The following CAPN12 variants were observed in gnomAD, a reference collection of about 807,000 sequenced individuals.
The protein encoded by CAPN12 is calpain 12, also known as calpain-12.
In CAPN12, 107 loss-of-function variants were observed where a neutral mutation model predicts 95.0. That is an observed-to-expected ratio of 1.13 (90% CI 0.96 to 1.32). The LOEUF (loss-of-function observed/expected upper bound fraction) is 1.32, where lower values mean the gene tolerates loss of function less well. CAPN12 is among the 40% of genes most tolerant of loss of function. The pLI, the probability that CAPN12 is intolerant of heterozygous loss-of-function variation, is 0.00. For synonymous variants in CAPN12, 505 were observed against 415.5 expected, an observed-to-expected ratio of 1.22 and a Z score of -2.62; for missense variants, 1,136 against 997.8, an observed-to-expected ratio of 1.14 and a Z score of -1.87.
In CAPN12 at chr19:38,738,597, ACG is replaced by A. The variant is rs754171733; in HGVS notation, c.779_780del (p.Ala260ValfsTer115). 1 of 1,614,008 alleles carries A rather than the reference ACG, an allele frequency of 6.2e-7. No homozygotes were observed. Among genetic ancestry groups the A allele is most frequent in the Non-Finnish European group, 8.5e-7 (1 of 1,180,022 alleles). ...ACCTTGTGTGTGCCCGTGATGGAAT[ACG>A]CGTGTCCCTTTACCAGGCCCTCTTC... ...RTEEGLVKGH[A>X]YSITGTHKVF... On this transcript the variant is annotated frameshift_variant, in exon 6 of 21. Transcript: ENST00000328867. LOFTEE classifies it high-confidence loss of function.
chr19:38,737,138 C>T lies in CAPN12; in HGVS notation c.1362+18G>A. 6.5e-7 allele frequency: 1 copy of T among 1,541,488 alleles called. No individual in the cohort carries two copies. The highest frequency in any genetic ancestry group is 2.0e-5 in the Admixed American group (1 of 50,696). ...CCCTCCGGGTTCCCTCCAGCCTCAG[C>T]TTTGCCCAGGACCTCACCTGGAACA... On this transcript the variant is annotated intron_variant, in intron 10 of 20. Transcript: ENST00000328867.
At chr19:38,736,704 G>C (rs538350975) in intron 10 of CAPN12, 141 bp from the exon 11 acceptor site, 1 of 1,092,556 alleles carries the variant, frequency 9.2e-7, no homozygotes, top group African/African-American at 1.6e-5. Context: ...TTGCCCCGCA[G>C]TCCCCGACCC....
rs935640416 is a variant in CAPN12, at chr19:38,731,499, T to A, written c.1958-276A>T. On this transcript the variant is annotated intron_variant, in intron 18 of 20. Coordinates refer to ENST00000328867, the MANE Select transcript of CAPN12 (RefSeq NM_144691.4). ...CACGTGACTCGATGTGTGGGTACTG[T>A]TACTCCTTAAATCCTGTGGGGCTTT... 43 of 508,310 alleles carry A rather than the reference T, an allele frequency of 8.5e-5. 1 individual carries two copies. The highest frequency in any genetic ancestry group is 8.0e-4 in the African/African-American group (42 of 52,312). 31.5% of individuals were successfully genotyped at this position (508,310 alleles called of 1,614,324 possible).
At chr19:38,736,396 C>T in intron 11 of CAPN12, 78 bp from the exon 12 acceptor site, 1 of 1,494,502 alleles carries the variant, frequency 6.7e-7, no homozygotes, top group South Asian at 1.3e-5. Flanking sequence ...GCGCCCCGTC[C>T]ACCCTGCCTA....
intron 4 of CAPN12, 99 bp downstream of exon 4, chr19:38,741,678 T>G: frequency 1.4e-6 from 2 of 1,458,416 alleles, no homozygotes; most frequent in South Asian, 2.7e-5. Context: ...GGTGGGGTGT[T>G]TGGAGGATTG....
chr19:38,736,393 G>A lies in CAPN12; in HGVS notation c.1375-75C>T, dbSNP rs564301633. ...ATCCCCGCACCCTCCAGCGCGCCCCGTCCACCCTGCCTAACCCCTGTCCAC... is the reference window on the plus strand; with the variant it reads ...ATCCCCGCACCCTCCAGCGCGCCCCATCCACCCTGCCTAACCCCTGTCCAC... On this transcript the variant is annotated intron_variant, in intron 11 of 20. Transcript: ENST00000328867. 15 of 1,476,290 alleles carry A rather than the reference G, an allele frequency of 1.0e-5. No homozygotes were observed. In the East Asian group the frequency reaches 1.8e-4, roughly 18 times the overall value. 91.4% of individuals were successfully genotyped at this position (1,476,290 alleles called of 1,614,324 possible). A position where few individuals can be genotyped will look rare whatever the true frequency, so the allele number is the denominator to read the frequency against.
rs1442304606 is a variant in CAPN12, at chr19:38,738,318, T to C, written c.920A>G (p.Glu307Gly). The C allele has an allele frequency of 6.2e-7, 1 of 1,612,012 alleles. No individual in the cohort carries two copies. Among genetic ancestry groups the C allele is most frequent in the Non-Finnish European group, 8.5e-7 (1 of 1,180,012 alleles). Residue 307 changes from glutamate to glycine, a missense_variant, in exon 8 of 21, where the codon GAG becomes GGG. Coordinates refer to ENST00000328867, the MANE Select transcript of CAPN12 (RefSeq NM_144691.4). The part of the protein sequence containing the change: ...SCPRWDTLPT[E>G]CRDALLVKKE... Reference sequence around the variant, plus strand: ...TTTCACCAGCAGGGCATCGCGGCACTCGGTGGGGAGTGTGTCCCAGCGTGG... The same window carrying C: ...TTTCACCAGCAGGGCATCGCGGCACCCGGTGGGGAGTGTGTCCCAGCGTGG...
At chr19:38,734,923 G>T in intron 14 of CAPN12, 53 bp from the exon 15 acceptor site, 1 of 1,569,606 alleles carries the variant, frequency 6.4e-7, no homozygotes, top group Non-Finnish European at 8.7e-7. Flanking sequence ...GCTGCTCTGG[G>T]CCAAGCCCTG....
intron 18 of CAPN12, among the ~76,000 whole-genome samples, chr19:38,732,055 C>T (rs115286611): frequency 0.011 from 1,750 of 152,372 alleles, 33 homozygotes; most frequent in African/African-American, 0.04. Context: ...CCCGAGAAGG[C>T]GCTGGAGCCC....
At position 38,744,293 on chromosome 19, in the gene CAPN12, A is replaced by G. The variant is rs1970761139; in HGVS notation, c.-128T>C. On this transcript the variant is annotated 5_prime_UTR_variant, in exon 1 of 21. Transcript: ENST00000328867. ...GAGGAGCCTTCCCTCGTTAATATTAATTGATGGTTTGGGGTGCTGGGGAGC... is the reference window on the plus strand; with the variant it reads ...GAGGAGCCTTCCCTCGTTAATATTAGTTGATGGTTTGGGGTGCTGGGGAGC... 2 of 889,086 alleles carry G rather than the reference A, an allele frequency of 2.2e-6. No individual in the cohort carries two copies. The highest frequency in any genetic ancestry group is 3.6e-6 in the Non-Finnish European group (2 of 562,926). The allele number at this position is 889,086 out of a possible 1,614,324, so 55.1% of individuals were successfully genotyped here. A position where few individuals can be genotyped will look rare whatever the true frequency, so the allele number is the denominator to read the frequency against.
chr19:38,734,985 G>T, intron 14 of CAPN12, 115 bp from the exon 15 acceptor site: 1 of 957,372 alleles, frequency 1.0e-6, no homozygotes, highest in Non-Finnish European at 1.6e-6. Flanking sequence ...AGCTCCAGGA[G>T]TGGGGGAGAC....
intron 14 of CAPN12, chr19:38,735,072 G>A (rs1044601299): frequency 2.8e-5 from 17 of 611,286 alleles, no homozygotes; most frequent in South Asian, 6.1e-5. Flanking sequence ...CCAGCAGACC[G>A]GCCTGGGGCA....
At chr19:38,739,319 G>A (rs12976598) in intron 5 of CAPN12, 8,696 of 152,398 alleles carry the variant, frequency 0.057, 260 homozygotes, top group South Asian at 0.098. Flanking sequence ...GCATGGTGGC[G>A]GGCGCCTGTA....
chr19:38,735,249 T>C, intron 14 of CAPN12, 121 bp downstream of exon 14: 1 of 989,254 alleles, frequency 1.0e-6, no homozygotes. Context: ...TCAGGAGATT[T>C]AAGCCCGGAG....
intron 18 of CAPN12, 93 bp downstream of exon 18, chr19:38,733,610 C>T (rs893585873): frequency 5.6e-5 from 65 of 1,166,464 alleles, no homozygotes; most frequent in Admixed American, 3.4e-4. Flanking sequence ...GGCCACAGTG[C>T]AGACGGCCAC....
rs1458107604 is a variant in CAPN12 at position 38,740,126 on chromosome 19, T to A, written c.654A>T (p.Arg218Ser). ...TGGVGEVLYL[R>S]QNSMGLFSAL... is the part of the protein sequence containing the mutation. Reference sequence around the variant, plus strand: ...CAGAGAACAGCCCCATGCTGTTTTGTCTCAGATAGAGCACCTCGCCCACGC... The same window carrying A: ...CAGAGAACAGCCCCATGCTGTTTTGACTCAGATAGAGCACCTCGCCCACGC... Residue 218 changes from arginine to serine, a missense_variant, in exon 5 of 21, where the codon AGA (arginine) becomes AGT (serine). Transcript: ENST00000328867. 6.2e-7 allele frequency: 1 copy of A among 1,613,846 alleles called. No homozygotes were observed. Among genetic ancestry groups the A allele is most frequent in the Admixed American group, 1.7e-5 (1 of 59,990 alleles).
At position 38,741,842 on chromosome 19, in the gene CAPN12, C is replaced by T; in HGVS notation, c.495G>A (p.Leu165=). ...DDRLPVREGK[L]MFVRSEQRNE... The stretch of plus-strand genomic sequence containing the variant: ...TCCGCTGTTCCGAGCGCACGAACAT[C>T]AGCTTCCCCTCACGCACGGGCAGCC... The change falls in exon 4 of 21, where the codon CTG becomes CTA. Residue 165 remains leucine (L), a synonymous_variant. Coordinates refer to ENST00000328867, the MANE Select transcript of CAPN12 (RefSeq NM_144691.4). The T allele has an allele frequency of 6.2e-7, 1 of 1,614,140 alleles. No homozygotes were observed.
intron 18 of CAPN12, among the ~76,000 whole-genome samples, chr19:38,732,165 A>C (rs1969669171): frequency 6.6e-6 from 1 of 151,678 alleles, no homozygotes; most frequent in Non-Finnish European, 1.5e-5. Flanking sequence ...ACAGGCACTC[A>C]CTGGTGCCAG....
intron 19 of CAPN12, 41 bp downstream of exon 19, chr19:38,731,066 C>G: frequency 6.4e-7 from 1 of 1,569,232 alleles, no homozygotes; most frequent in South Asian, 1.2e-5. Context: ...AGTCCCCGTA[C>G]CCCTTCCCCC....
Sources: allele counts gnomAD v4.1 joint callset (sites outside exome capture counted in the v4.1 genomes callset), GRCh38; gene constraint gnomAD v4.1.1; transcripts MANE v1.5; gene names NCBI Gene and HGNC (gene_info 2026-07-23, HGNC 2026-07-21).